Variants in RGS22 observed in about 807,000 individuals in gnomAD.
The protein encoded by RGS22 is regulator of G-protein signaling 22.
Under a neutral mutation model 172.9 loss-of-function variants are expected in RGS22, and 148 were observed. The observed-to-expected ratio is 0.86, with a 90% confidence interval of 0.75 to 0.98. The LOEUF (loss-of-function observed/expected upper bound fraction) is 0.98, where lower values mean the gene tolerates loss of function less well. Among genes scored for constraint, RGS22 ranks in the 50% least tolerant of loss-of-function variants. The pLI is 0.00. For synonymous variants in RGS22, 458 were observed against 480.2 expected (o/e 0.95, Z 0.60); for missense variants, 1,347 against 1,440.8 (o/e 0.93, Z 1.05).
intron 9 of RGS22, among the ~76,000 whole-genome samples, chr8:100,062,213 C>T (rs1810193526): frequency 6.6e-6 from 1 of 152,012 alleles, no homozygotes; most frequent in South Asian, 2.1e-4. Flanking sequence ...GGCTTAACAC[C>T]TGGGTGATGA....
chr8:100,017,133 A>G (rs1158154438), intron 14 of RGS22, among the ~76,000 whole-genome samples: 1 of 150,910 alleles, frequency 6.6e-6, no homozygotes, highest in African/African-American at 2.4e-5. Context: ...ACCATGCTCC[A>G]CTAATTTTTA....
At chr8:100,011,541 T>C (rs987593667) in intron 14 of RGS22, among the ~76,000 whole-genome samples, 5 of 152,148 alleles carry the variant, frequency 3.3e-5, no homozygotes, top group African/African-American at 1.2e-4. Flanking sequence ...TCCTTATAAT[T>C]ACCTATAAAT....
intron 14 of RGS22, 121 bp from the exon 15 acceptor site, chr8:100,008,690 T>C (rs1816023900): frequency 3.0e-6 from 2 of 670,380 alleles, no homozygotes. Flanking sequence ...GTGATATTTT[T>C]CTTGAAAATA....
chr8:99,981,914 A>T (rs780705126), intron 22 of RGS22, 23 bp downstream of exon 22: 1 of 1,581,444 alleles, frequency 6.3e-7, no homozygotes, highest in African/African-American at 1.4e-5. Flanking sequence ...AAATATGCTT[A>T]GCCACATGCC....
chr8:99,988,849 G>A (rs1813386527), intron 20 of RGS22, among the ~76,000 whole-genome samples: 1 of 152,022 alleles, frequency 6.6e-6, no homozygotes, highest in Non-Finnish European at 1.5e-5. Flanking sequence ...CATGTTCTGT[G>A]GACAAAAAGT....
chr8:100,079,952 A>G (rs1343510758), intron 4 of RGS22, among the ~76,000 whole-genome samples, 182 bp downstream of exon 4: 1 of 152,230 alleles, frequency 6.6e-6, no homozygotes. Flanking sequence ...TTGATAAGTG[A>G]ACATCAACAA....
chr8:100,064,006 T>C lies in RGS22; in HGVS notation c.762A>G (p.Thr254=), dbSNP rs1484862423. ...FIFDDGVHPR[T]KKDPSKTNKL... is the part of the protein sequence containing the mutation. ...TGTTGGTTTTAGATGGGTCCTTTTT[T>C]GTCCTAGGGTGAACTCCATCATCAA... Residue 254 remains threonine (T), a synonymous_variant, in exon 8 of 28, where the codon ACA becomes ACG. Transcript: ENST00000360863. 6.5e-7 allele frequency: 1 copy of C among 1,531,822 alleles called. No individual in the cohort carries two copies. The allele number at this position is 1,531,822 out of a possible 1,614,324, so 94.9% of individuals were successfully genotyped here. A position where few individuals can be genotyped will look rare whatever the true frequency, so the allele number is the denominator to read the frequency against.
intron 22 of RGS22, among the ~76,000 whole-genome samples, chr8:99,979,569 G>A (rs1271209068): frequency 1.3e-5 from 2 of 152,162 alleles, no homozygotes; most frequent in African/African-American, 4.8e-5. Flanking sequence ...TTGGCTGAGT[G>A]ATGCAAACTT....
At chr8:100,096,840 T>C (rs1813016670) in intron 2 of RGS22, among the ~76,000 whole-genome samples, 3 of 151,028 alleles carry the variant, frequency 2.0e-5, no homozygotes, top group Admixed American at 2.0e-4. Flanking sequence ...AGATGCAAGA[T>C]ATACAAAGAC....
At chr8:99,994,599 T>C (rs1383826421) in intron 20 of RGS22, among the ~76,000 whole-genome samples, 1 of 151,916 alleles carries the variant, frequency 6.6e-6, no homozygotes, top group Non-Finnish European at 1.5e-5. Context: ...AAACCACTGC[T>C]CAACGAATAA....
intron 23 of RGS22, among the ~76,000 whole-genome samples, chr8:99,973,883 C>CA (rs1332779844): frequency 7.0e-5 from 10 of 143,388 alleles, no homozygotes; most frequent in East Asian, 6.1e-4. Flanking sequence ...AAAAAAAAAA[C>CA]AAAAAAAACC....
At position 100,052,975 on chromosome 8, in the gene RGS22, C is replaced by T. The variant is rs762970151; in HGVS notation, c.1516G>A (p.Ala506Thr). ...EVLKPLLLYW[A>T]PRFCVTHSAS... ...GAATGAGTAACACAGAATCTTGGTG[C>T]CCTGTTTATTGGAAAAATAAATGTA... Residue 506 changes from alanine (A) to threonine (T), a missense_variant and splice_region_variant, in exon 10 of 28, where the codon GCA becomes ACA. Physicochemically the swap from Ala to Thr is moderately conservative, Grantham distance 58. Transcript: ENST00000360863. 3.1e-6 allele frequency: 5 copies of T among 1,612,602 alleles called. No individual in the cohort carries two copies. The highest frequency in any genetic ancestry group is 3.3e-4 in the Middle Eastern group (2 of 6,082).
chr8:100,032,885 A>G (rs569523100), intron 14 of RGS22, among the ~76,000 whole-genome samples: 1 of 152,320 alleles, frequency 6.6e-6, no homozygotes, highest in East Asian at 1.9e-4. Flanking sequence ...ACACAACTAC[A>G]TGGAAACGGA....
intron 14 of RGS22, among the ~76,000 whole-genome samples, chr8:100,031,785 G>C (rs1202877910): frequency 2.0e-5 from 3 of 151,952 alleles, no homozygotes; most frequent in African/African-American, 7.2e-5. Context: ...TCTCACTGAA[G>C]CAAGTATGTA....
Position 100,047,570 on chromosome 8 carries a change from A to G in RGS22, c.1716T>C (p.Pro572=). The part of the protein sequence containing the change: ...IQKEEFSLSQ[P]PKSPNKSPEV... ...CAGGTGATTTATTGGGAGATTTAGG[A>G]GGTTGTGATAAGCTGAATTCTTCTT... Residue 572 remains proline, a synonymous_variant, in exon 11 of 28, where the codon CCT becomes CCC. Transcript: ENST00000360863. 1 of 1,610,274 alleles carries G rather than the reference A, an allele frequency of 6.2e-7. No individual in the cohort carries two copies.
intron 9 of RGS22, among the ~76,000 whole-genome samples, chr8:100,060,896 C>T (rs776738269): frequency 2.6e-5 from 4 of 152,266 alleles, no homozygotes; most frequent in Non-Finnish European, 5.9e-5. Flanking sequence ...CTGGAGCCAT[C>T]ACACTACCCG....
intron 19 of RGS22, 91 bp from the exon 20 acceptor site, chr8:99,996,621 G>A (rs1814421409): frequency 1.9e-6 from 2 of 1,063,442 alleles, no homozygotes; most frequent in South Asian, 2.8e-5. Flanking sequence ...ATGAGATAAA[G>A]GTTAACTTGG....
intron 14 of RGS22, among the ~76,000 whole-genome samples, chr8:100,025,211 A>G (rs1818053835): frequency 6.6e-6 from 1 of 152,178 alleles, no homozygotes; most frequent in South Asian, 2.1e-4. Flanking sequence ...AGCAAACATG[A>G]CAAAATGCGA....
At chr8:99,991,236 C>T (rs2131269618) in intron 20 of RGS22, among the ~76,000 whole-genome samples, 1 of 152,296 alleles carries the variant, frequency 6.6e-6, no homozygotes, top group Admixed American at 6.5e-5. Flanking sequence ...TCCTCACCAG[C>T]AACGGAATAA....
Sources: allele counts gnomAD v4.1 joint callset (sites outside exome capture counted in the v4.1 genomes callset), GRCh38; gene constraint gnomAD v4.1.1; transcripts MANE v1.5; gene names NCBI Gene and HGNC (gene_info 2026-07-23, HGNC 2026-07-21).